Variants in CMTM7 observed in about 807,000 individuals in gnomAD.
CMTM7 encodes CKLF-like MARVEL transmembrane domain-containing protein 7.
In CMTM7, 7 loss-of-function variants were observed where a neutral mutation model predicts 19.3. The observed-to-expected ratio is 0.36, with a 90% CI of 0.21 to 0.68. The LOEUF is 0.68. Among genes scored for constraint, CMTM7 ranks in the 30% least tolerant of loss-of-function variants. The pLI is 0.60. For synonymous variants in CMTM7, 87 were observed against 99.3 expected (o/e 0.88, Z 0.74); for missense variants, 193 against 232.6 (o/e 0.83, Z 1.11).
At chr3:32,428,513 G>C (rs1001960627) in intron 1 of CMTM7, among the ~76,000 whole-genome samples, 5 of 152,224 alleles carry the variant, frequency 3.3e-5, no homozygotes, top group Non-Finnish European at 2.9e-5. Context: ...ATTCAGGCAG[G>C]AAAGAGGTTT....
intron 1 of CMTM7, among the ~76,000 whole-genome samples, chr3:32,418,605 T>C (rs1219901868): frequency 6.6e-6 from 1 of 152,036 alleles, no homozygotes; most frequent in Non-Finnish European, 1.5e-5. Flanking sequence ...CAGGGGTCGT[T>C]GTTTTATATA....
chr3:32,420,795 G>A (rs914594994), intron 1 of CMTM7, among the ~76,000 whole-genome samples: 1 of 152,222 alleles, frequency 6.6e-6, no homozygotes, highest in Non-Finnish European at 1.5e-5. Context: ...CTGGGGGCAG[G>A]AGAGGGGGCC....
intron 1 of CMTM7, among the ~76,000 whole-genome samples, chr3:32,437,057 G>A (rs544322872): frequency 6.6e-6 from 1 of 152,172 alleles, no homozygotes; most frequent in East Asian, 1.9e-4. Flanking sequence ...AGTCCTCAGG[G>A]GACCATCACT....
Position 32,454,694 on chromosome 3 carries a change from C to G in CMTM7, c.*440C>G, listed in dbSNP as rs1696884620. 1 of 350,546 alleles carries G rather than the reference C, an allele frequency of 2.9e-6. No individual in the cohort carries two copies. The highest frequency in any genetic ancestry group is 5.6e-6 in the Non-Finnish European group (1 of 177,052). The allele number at this position is 350,546 out of a possible 1,614,324, so 21.7% of individuals were successfully genotyped here. A position where few individuals can be genotyped will look rare whatever the true frequency, so the allele number is the denominator to read the frequency against. ...CTTGTCAGTCCGGTCTTAGAGATAC[C>G]CTCTTTCCTGAAGTGAGGCGTGCCT... On this transcript the variant is annotated 3_prime_UTR_variant, in exon 5 of 5. Transcript: ENST00000334983.
chr3:32,428,227 T>C (rs1696461822), intron 1 of CMTM7, among the ~76,000 whole-genome samples: 1 of 151,820 alleles, frequency 6.6e-6, no homozygotes, highest in South Asian at 2.1e-4. Context: ...TGAGAGGTGC[T>C]GAGAGGGCTC....
intron 2 of CMTM7, among the ~76,000 whole-genome samples, chr3:32,442,343 C>CA (rs1216249633): frequency 6.6e-6 from 1 of 151,404 alleles, no homozygotes; most frequent in Non-Finnish European, 1.5e-5. Flanking sequence ...CTAAAAAATA[C>CA]AAAAAATCAG....
At chr3:32,445,448 C>A (rs1306202268) in intron 2 of CMTM7, among the ~76,000 whole-genome samples, 1 of 151,998 alleles carries the variant, frequency 6.6e-6, no homozygotes, top group Non-Finnish European at 1.5e-5. Context: ...ATGCTTTTTC[C>A]GTATCTACTG....
At chr3:32,394,392 C>A (rs1695885334) in intron 1 of CMTM7, among the ~76,000 whole-genome samples, 1 of 152,168 alleles carries the variant, frequency 6.6e-6, no homozygotes, top group African/African-American at 2.4e-5. Context: ...AACAGGTTGA[C>A]CCTTTTGTCC....
chr3:32,391,964 C>T lies in CMTM7; in HGVS notation c.58C>T (p.Pro20Ser). The change falls in exon 1 of 5, where the codon CCC (proline) becomes TCC (serine). Residue 20 changes from proline to serine, a missense_variant. Physicochemically the swap from Pro to Ser is moderately conservative, Grantham distance 74 (BLOSUM62 -1). Transcript: ENST00000334983. Reference sequence around the variant, plus strand: ...GTGCAGCAGCGGCAGCGCGCTCGGACCCGGGGCCGGCGCGGCCCAGCCCAG... The same window carrying T: ...GTGCAGCAGCGGCAGCGCGCTCGGATCCGGGGCCGGCGCGGCCCAGCCCAG... ...TTCSSGSALGPGAGAAQPSAS... is the reference protein window; with the variant it reads ...TTCSSGSALGSGAGAAQPSAS... 1 of 1,231,550 alleles carries T rather than the reference C, an allele frequency of 8.1e-7. No homozygotes were observed. The highest frequency in any genetic ancestry group is 1.0e-6 in the Non-Finnish European group (1 of 986,654). 76.3% of individuals were successfully genotyped at this position (1,231,550 alleles called of 1,614,324 possible). A position where few individuals can be genotyped will look rare whatever the true frequency, so the allele number is the denominator to read the frequency against.
chr3:32,442,455 G>A (rs12486068), intron 2 of CMTM7, among the ~76,000 whole-genome samples: 11,740 of 138,334 alleles, frequency 0.085, 535 homozygotes, highest in Middle Eastern at 0.17. Flanking sequence ...AGCCGAGATC[G>A]AGCCACTGCA....
intron 1 of CMTM7, among the ~76,000 whole-genome samples, chr3:32,425,501 A>G (rs895196957): frequency 6.6e-6 from 1 of 151,286 alleles, no homozygotes; most frequent in Non-Finnish European, 1.5e-5. Context: ...AGGAAAAAAA[A>G]AAAAATAAAA....
chr3:32,414,695 A>G (rs1169065812), intron 1 of CMTM7, among the ~76,000 whole-genome samples: 1 of 152,238 alleles, frequency 6.6e-6, no homozygotes, highest in Non-Finnish European at 1.5e-5. Context: ...ATGTTATGAT[A>G]TGGAGCCTGC....
intron 1 of CMTM7, among the ~76,000 whole-genome samples, chr3:32,422,168 A>G (rs1454927220): frequency 1.3e-5 from 2 of 152,192 alleles, no homozygotes; most frequent in African/African-American, 2.4e-5. Context: ...GTGATTTTTC[A>G]TCCGTGACAC....
At position 32,441,825 on chromosome 3, in the gene CMTM7, CTATT is replaced by C; in HGVS notation, c.160-11_160-8del. 2 of 1,613,056 alleles carry C rather than the reference CTATT, an allele frequency of 1.2e-6. No homozygotes were observed. The highest frequency in any genetic ancestry group is 1.7e-6 in the Non-Finnish European group (2 of 1,179,334). On this transcript the variant is annotated splice_polypyrimidine_tract_variant and intron_variant, in intron 1 of 4. Transcript: ENST00000334983. The stretch of plus-strand genomic sequence containing the variant: ...TTGGGCAAGCATTTCTCTGATGTCT[CTATT>C]TATGTGGCAGGTCACCCTGCTGATT...
At chr3:32,429,320 G>T (rs1275432125) in intron 1 of CMTM7, among the ~76,000 whole-genome samples, 56 of 147,084 alleles carry the variant, frequency 3.8e-4, no homozygotes, top group Non-Finnish European at 5.4e-4. Context: ...TTGAGATACG[G>T]TTTCACTCTG....
chr3:32,400,657 C>A (rs1695989315), intron 1 of CMTM7, among the ~76,000 whole-genome samples: 1 of 152,188 alleles, frequency 6.6e-6, no homozygotes, highest in African/African-American at 2.4e-5. Context: ...TCCCAAAGTG[C>A]TGGGATTACA....
At chr3:32,446,258 T>C (rs1439484681) in intron 2 of CMTM7, among the ~76,000 whole-genome samples, 1 of 152,204 alleles carries the variant, frequency 6.6e-6, no homozygotes, top group East Asian at 1.9e-4. Flanking sequence ...TAGGAATTTG[T>C]CCATTTCATC....
At chr3:32,420,814 G>T (rs1241139833) in intron 1 of CMTM7, among the ~76,000 whole-genome samples, 1 of 152,228 alleles carries the variant, frequency 6.6e-6, no homozygotes. Flanking sequence ...CCAGCTAATG[G>T]CCTGCAGAAG....
chr3:32,452,547 G>A (rs1425862644), intron 4 of CMTM7, 74 bp downstream of exon 4: 2 of 1,454,352 alleles, frequency 1.4e-6, no homozygotes, highest in Non-Finnish European at 1.9e-6. Flanking sequence ...TTCAGCCATA[G>A]GGACAAACCC....
Sources: allele counts gnomAD v4.1 joint callset (sites outside exome capture counted in the v4.1 genomes callset), GRCh38; gene constraint gnomAD v4.1.1; transcripts MANE v1.5; gene names NCBI Gene and HGNC (gene_info 2026-07-23, HGNC 2026-07-21).